NAV2: variants seen among roughly 807,000 people sequenced by gnomAD.
The protein encoded by NAV2 is neuron navigator 2.
Under a neutral mutation model 223.2 loss-of-function variants are expected in NAV2, and 54 were observed. That is an observed-to-expected ratio of 0.24 (90% CI 0.19 to 0.30). The LOEUF (loss-of-function observed/expected upper bound fraction) is 0.30, where lower values mean the gene tolerates loss of function less well. NAV2 is among the 10% of genes least tolerant of loss of function. The probability of loss-of-function intolerance (pLI) is 1.00; values close to 1 mark genes in which losing one functional copy is unlikely to be tolerated. For missense variants in NAV2, 2,806 were observed against 3,147.5 expected, an observed-to-expected ratio of 0.89 and a Z score of 2.60; for synonymous variants, 1,279 against 1,239.3, an observed-to-expected ratio of 1.03 and a Z score of -0.67.
At chr11:19,874,566 A>G (rs1223945243) in intron 4 of NAV2, among the ~76,000 whole-genome samples, 2 of 152,118 alleles carry the variant, frequency 1.3e-5, no homozygotes, top group African/African-American at 4.8e-5. Flanking sequence ...CTTCCTGTGG[A>G]GCTGGCTTAC....
At chr11:19,559,007 A>ACCATATT (rs1268632688) in intron 1 of NAV2, among the ~76,000 whole-genome samples, 1 of 152,190 alleles carries the variant, frequency 6.6e-6, no homozygotes, top group Non-Finnish European at 1.5e-5. Flanking sequence ...AGTCACTTCT[A>ACCATATT]CCATATTCCA....
chr11:19,527,276 A>G (rs1451042905), intron 1 of NAV2, among the ~76,000 whole-genome samples: 1 of 152,134 alleles, frequency 6.6e-6, no homozygotes, highest in East Asian at 1.9e-4. Context: ...CATTCTCTGT[A>G]GTCTGCTGCC....
chr11:19,371,526 T>C (rs1295596223), intron 1 of NAV2, among the ~76,000 whole-genome samples: 1 of 152,238 alleles, frequency 6.6e-6, no homozygotes, highest in Non-Finnish European at 1.5e-5. Context: ...TACCAGGGAT[T>C]GTGCTGTGTG....
intron 1 of NAV2, among the ~76,000 whole-genome samples, chr11:19,811,815 G>T (rs1214585912): frequency 6.6e-6 from 1 of 152,122 alleles, no homozygotes; most frequent in African/African-American, 2.4e-5. Context: ...TAGGGGGATG[G>T]TACTTAAGCT....
At chr11:19,570,277 T>A (rs2134886367) in intron 1 of NAV2, among the ~76,000 whole-genome samples, 1 of 152,258 alleles carries the variant, frequency 6.6e-6, no homozygotes, top group South Asian at 2.1e-4. Context: ...GTCTCTAAGA[T>A]GGGAATGGTG....
At chr11:19,894,126 T>C (rs2153154176) in intron 6 of NAV2, among the ~76,000 whole-genome samples, 1 of 152,326 alleles carries the variant, frequency 6.6e-6, no homozygotes, top group South Asian at 2.1e-4. Context: ...CTACCATGTG[T>C]CTTATTTTAC....
At chr11:19,569,514 T>C (rs144448269) in intron 1 of NAV2, among the ~76,000 whole-genome samples, 11 of 152,354 alleles carry the variant, frequency 7.2e-5, no homozygotes, top group African/African-American at 2.4e-4. Flanking sequence ...TGATTCCTAA[T>C]ATCCATCTCG....
intron 36 of NAV2, 142 bp downstream of exon 36, chr11:20,107,924 A>T: frequency 6.0e-6 from 4 of 669,792 alleles, no homozygotes; most frequent in South Asian, 5.3e-5. Context: ...AGTGTAGTCC[A>T]GTGTAGGGAC....
chr11:19,951,195 G>T (rs56402612), intron 10 of NAV2, among the ~76,000 whole-genome samples: 33,195 of 152,086 alleles, frequency 0.22, 3,839 homozygotes, highest in Middle Eastern at 0.37. Context: ...CTGGCCTCAG[G>T]GGAAATAGGA....
chr11:19,938,710 G>A (rs2046137224), intron 7 of NAV2, among the ~76,000 whole-genome samples: 1 of 152,164 alleles, frequency 6.6e-6, no homozygotes, highest in African/African-American at 2.4e-5. Context: ...ACCCTGGCTG[G>A]AGGTGAAAGG....
intron 8 of NAV2, among the ~76,000 whole-genome samples, chr11:19,942,622 C>A (rs1387299257): frequency 6.6e-6 from 1 of 152,196 alleles, no homozygotes; most frequent in African/African-American, 2.4e-5. Context: ...ATAAACATTT[C>A]TTAGACCTCT....
At chr11:19,882,226 A>G (rs1334948514) in intron 5 of NAV2, among the ~76,000 whole-genome samples, 1 of 152,252 alleles carries the variant, frequency 6.6e-6, no homozygotes, top group Non-Finnish European at 1.5e-5. Flanking sequence ...TTGCAATCCT[A>G]CAGATGAGTT....
intron 1 of NAV2, chr11:19,351,175 C>T (rs778651688): frequency 2.2e-5 from 17 of 774,452 alleles, no homozygotes; most frequent in Middle Eastern, 2.9e-4. Flanking sequence ...TGCTATGTCT[C>T]GATGCTGGGT....
intron 1 of NAV2, among the ~76,000 whole-genome samples, chr11:19,394,676 G>C (rs926308626): frequency 1.3e-5 from 2 of 152,210 alleles, no homozygotes; most frequent in African/African-American, 4.8e-5. Context: ...ACTTCCCCGA[G>C]CTGAAATCTG....
At chr11:19,728,931 G>A (rs1270776316) in intron 1 of NAV2, among the ~76,000 whole-genome samples, 1 of 152,154 alleles carries the variant, frequency 6.6e-6, no homozygotes, top group Admixed American at 6.5e-5. Flanking sequence ...GTCCTATGGG[G>A]CAAGAGAGAG....
intron 1 of NAV2, among the ~76,000 whole-genome samples, chr11:19,467,533 C>T (rs893672633): frequency 1.3e-5 from 2 of 152,090 alleles, no homozygotes; most frequent in Non-Finnish European, 2.9e-5. Context: ...TTTATCACAT[C>T]CTGGATGGAC....
At chr11:19,439,278 A>G (rs1239924406) in intron 1 of NAV2, among the ~76,000 whole-genome samples, 1 of 152,194 alleles carries the variant, frequency 6.6e-6, no homozygotes, top group Non-Finnish European at 1.5e-5. Context: ...GCTAAGTGGC[A>G]GTGATACACA....
intron 1 of NAV2, among the ~76,000 whole-genome samples, chr11:19,791,812 T>G (rs1296381052): frequency 6.6e-6 from 1 of 152,184 alleles, no homozygotes; most frequent in Non-Finnish European, 1.5e-5. Flanking sequence ...TGCCAAGCAC[T>G]GCTTACATGG....
At chr11:19,587,308 C>T (rs972599218) in intron 1 of NAV2, among the ~76,000 whole-genome samples, 1 of 152,214 alleles carries the variant, frequency 6.6e-6, no homozygotes, top group Non-Finnish European at 1.5e-5. Flanking sequence ...AGGGAATTCC[C>T]TGACCCCTTG....
Sources: allele counts gnomAD v4.1 joint callset (sites outside exome capture counted in the v4.1 genomes callset), GRCh38; gene constraint gnomAD v4.1.1; transcripts MANE v1.5; gene names NCBI Gene and HGNC (gene_info 2026-07-23, HGNC 2026-07-21).